Variants in MTCL1 observed in about 807,000 individuals in gnomAD.
The protein encoded by MTCL1 is microtubule crosslinking factor 1.
MTCL1 carries 79 observed loss-of-function variants against 141.4 expected under a neutral mutation model. That is an observed-to-expected ratio of 0.56 (90% CI 0.47 to 0.67). The LOEUF (loss-of-function observed/expected upper bound fraction) is 0.67, where lower values mean the gene tolerates loss of function less well. MTCL1 is among the 30% of genes least tolerant of loss of function. The pLI, the probability that MTCL1 is intolerant of heterozygous loss-of-function variation, is 0.00. For missense variants in MTCL1, 2,177 were observed against 2,113.9 expected (o/e 1.03, Z -0.59); for synonymous variants, 914 against 875.8 (o/e 1.04, Z -0.77).
chr18:8,746,327 G>A (rs868489584), intron 4 of MTCL1, among the ~76,000 whole-genome samples: 2 of 152,166 alleles, frequency 1.3e-5, no homozygotes, highest in Non-Finnish European at 2.9e-5. Flanking sequence ...TTTCCACATG[G>A]CAGCACCGTT....
At chr18:8,824,731 A>G (rs2076958970) in exon 15 of MTCL1, 1 of 1,613,498 alleles carries the variant, frequency 6.2e-7, no homozygotes, top group South Asian at 1.1e-5. Context: ...TCTGAGTTCC[A>G]GCGTCTAATG....
Position 8,807,078 on chromosome 18 carries a change from C to T in MTCL1, c.2604+18C>T. On this transcript the variant is annotated intron_variant, in intron 11 of 16. Transcript: ENST00000359865. The stretch of plus-strand genomic sequence containing the variant: ...TGGAACAGGTACCACCCTCCCAGGT[C>T]TCCCTCGATCCTGACTGTGTGTCTC... 1.9e-6 allele frequency: 3 copies of T among 1,604,878 alleles called. No individual in the cohort carries two copies. The highest frequency in any genetic ancestry group is 2.6e-6 in the Non-Finnish European group (3 of 1,175,190).
chr18:8,754,751 C>T (rs1362961763), intron 4 of MTCL1, among the ~76,000 whole-genome samples: 1 of 152,130 alleles, frequency 6.6e-6, no homozygotes, highest in East Asian at 1.9e-4. Context: ...TTTTTCTTCC[C>T]AATTCTGTTT....
chr18:8,745,689 A>T (rs2096333011), intron 4 of MTCL1, among the ~76,000 whole-genome samples: 1 of 152,190 alleles, frequency 6.6e-6, no homozygotes, highest in African/African-American at 2.4e-5. Context: ...GGGCCATAGG[A>T]TGTGCACATG....
intron 4 of MTCL1, among the ~76,000 whole-genome samples, chr18:8,751,513 A>G (rs980877665): frequency 6.6e-6 from 1 of 152,212 alleles, no homozygotes; most frequent in Non-Finnish European, 1.5e-5. Flanking sequence ...TTTGTGCTAT[A>G]GTTTCTCCCT....
At chr18:8,792,234 T>C (rs191562552) in intron 7 of MTCL1, among the ~76,000 whole-genome samples, 9 of 152,380 alleles carry the variant, frequency 5.9e-5, no homozygotes, top group Admixed American at 5.9e-4. Context: ...CTGAGATTTT[T>C]AGCATAAGAG....
At chr18:8,809,362 C>G in intron 11 of MTCL1, 1 of 1,478,482 alleles carries the variant, frequency 6.8e-7, no homozygotes, top group Non-Finnish European at 9.1e-7. Flanking sequence ...GGCAACAAGC[C>G]CAACAGAAAT....
At chr18:8,812,906 A>G in intron 11 of MTCL1, 73 bp from the exon 11 acceptor site, 1 of 1,535,742 alleles carries the variant, frequency 6.5e-7, no homozygotes, top group African/African-American at 1.4e-5. Flanking sequence ...ATCACATGTA[A>G]ATGTGCTGAG....
intron 4 of MTCL1, among the ~76,000 whole-genome samples, chr18:8,774,445 C>CTTTCTTTCTTTTCTTTCT (rs146378075): frequency 2.0e-5 from 3 of 151,122 alleles, no homozygotes; most frequent in Non-Finnish European, 4.4e-5. Flanking sequence ...AATTTCTGGT[C>CTTTCTTTCTTTTCTTTCT]TTTCTTTCTT....
intron 4 of MTCL1, among the ~76,000 whole-genome samples, chr18:8,756,155 A>G (rs2096396488): frequency 6.6e-6 from 1 of 152,144 alleles, no homozygotes; most frequent in Admixed American, 6.5e-5. Flanking sequence ...AAGAATAACC[A>G]TGCACAAGAT....
chr18:8,819,968 A>ATTATT (rs2076789132), intron 13 of MTCL1, among the ~76,000 whole-genome samples: 1 of 152,108 alleles, frequency 6.6e-6, no homozygotes, highest in South Asian at 2.1e-4. Flanking sequence ...AATAACCAAA[A>ATTATT]ATATTCTGGG....
rs146388364 is a variant in MTCL1, at chr18:8,813,144, C to T, written c.2770C>T (p.Arg924Trp). 44 of 1,613,952 alleles carry T rather than the reference C, an allele frequency of 2.7e-5. No homozygotes were observed. The highest frequency in any genetic ancestry group is 3.3e-5 in the Admixed American group (2 of 59,986). ...CCATCACAGCGAGAAGAACTGGAAC[C>T]GGGAGAAGGTGGAACTTCTCGACCG... Residue 924 changes from arginine to tryptophan, a missense_variant, in exon 12 of 17, where the codon CGG (arginine) becomes TGG (tryptophan). Coordinates refer to ENST00000359865, the Ensembl canonical transcript of MTCL1.
chr18:8,807,164 T>C (rs11872700), intron 11 of MTCL1, 104 bp downstream of exon 10: 80,710 of 1,232,122 alleles, frequency 0.066, 3,108 homozygotes, highest in Admixed American at 0.15. Flanking sequence ...ATGGGCTTCT[T>C]GTCCAGGAAA....
At chr18:8,824,663 G>T in intron 14 of MTCL1, 36 bp from the exon 14 acceptor site, 1 of 1,559,652 alleles carries the variant, frequency 6.4e-7, no homozygotes, top group Non-Finnish European at 8.7e-7. Context: ...GAGGCTCCCT[G>T]GCAGGTACTG....
chr18:8,831,817 T>A (rs1443763859), exon 17 of MTCL1: 2 of 1,549,634 alleles, frequency 1.3e-6, no homozygotes, highest in Admixed American at 3.9e-5. Context: ...CTTGCATGGA[T>A]TATCACAGTA....
chr18:8,711,224 A>C (rs1410391761), intron 1 of MTCL1, among the ~76,000 whole-genome samples: 4 of 148,172 alleles, frequency 2.7e-5, no homozygotes, highest in Non-Finnish European at 6.0e-5. Context: ...TGAACTCATC[A>C]TTTTTTATGG....
At chr18:8,761,462 A>G (rs2096432107) in intron 4 of MTCL1, among the ~76,000 whole-genome samples, 1 of 152,162 alleles carries the variant, frequency 6.6e-6, no homozygotes, top group Non-Finnish European at 1.5e-5. Context: ...ATCATCTCAG[A>G]CAGAAGCTCA....
At chr18:8,811,978 A>G (rs1459630970) in intron 11 of MTCL1, among the ~76,000 whole-genome samples, 1 of 152,216 alleles carries the variant, frequency 6.6e-6, no homozygotes, top group East Asian at 1.9e-4. Context: ...TTGAAGTCCT[A>G]TTAGGCTACT....
chr18:8,789,651 G>A (rs2075649937), intron 7 of MTCL1: 2 of 985,248 alleles, frequency 2.0e-6, no homozygotes, highest in African/African-American at 3.5e-5. Context: ...AACAAGTGAG[G>A]GTGGTGGTGG....
Sources: allele counts gnomAD v4.1 joint callset (sites outside exome capture counted in the v4.1 genomes callset), GRCh38; gene constraint gnomAD v4.1.1; transcripts MANE v1.5; gene names NCBI Gene and HGNC (gene_info 2026-07-23, HGNC 2026-07-21).